The following HIRA variants were observed in gnomAD, a reference collection of about 807,000 sequenced individuals.
The protein encoded by HIRA is protein HIRA.
In HIRA, 13 loss-of-function variants were observed where a neutral mutation model predicts 126.6. The ratio of observed to expected loss-of-function variants is 0.10; its 90% confidence interval spans 0.07 to 0.16. The LOEUF is 0.16. HIRA is among the 10% of genes least tolerant of loss of function. The pLI, the probability that HIRA is intolerant of heterozygous loss-of-function variation, is 1.00. For synonymous variants in HIRA, 511 were observed against 520.0 expected (o/e 0.98, Z 0.24); for missense variants, 834 against 1,314.4 (o/e 0.63, Z 5.65).
At chr22:19,414,491 T>C (rs1435583092) in intron 1 of HIRA, among the ~76,000 whole-genome samples, 1 of 152,200 alleles carries the variant, frequency 6.6e-6, no homozygotes, top group Admixed American at 6.5e-5. Context: ...AAAAAGTCTC[T>C]GGGCTTTTAT....
At chr22:19,408,742 AT>A in intron 2 of HIRA, 149 bp from the exon 3 acceptor site, 1 of 571,186 alleles carries the variant, frequency 1.8e-6, no homozygotes, top group Non-Finnish European at 3.1e-6. Context: ...TAAATTACTA[AT>A]TTAAGTTACA....
At chr22:19,423,525 A>AC (rs2089466035) in intron 1 of HIRA, among the ~76,000 whole-genome samples, 1 of 33,448 alleles carries the variant, frequency 3.0e-5, no homozygotes, top group African/African-American at 1.4e-4. Flanking sequence ...ACACACACAC[A>AC]TATTTTCAGC....
intron 24 of HIRA, among the ~76,000 whole-genome samples, chr22:19,332,659 G>A (rs536973714): frequency 6.6e-6 from 1 of 150,904 alleles, no homozygotes; most frequent in Non-Finnish European, 1.5e-5. Flanking sequence ...CTCCAAAAGT[G>A]GTAAGATTCA....
rs766321329 is a variant in HIRA at position 19,385,703 on chromosome 22, G to A, written c.1147C>T (p.Leu383=). Residue 383 remains leucine, a synonymous_variant, in exon 12 of 25, where the codon CTA becomes TTA. Transcript: ENST00000263208. ...RIHQSTYGKS[L]AIMTEAQLST... ...AGCTGGGCCTCGGTCATGATGGCTA[G>A]GCTCTTGCCATAGGTGGACTGGTGA... The A allele has an allele frequency of 1.9e-6, 3 of 1,614,032 alleles. No homozygotes were observed. Among genetic ancestry groups the A allele is most frequent in the Non-Finnish European group, 2.5e-6 (3 of 1,179,958 alleles).
At chr22:19,335,814 T>C (rs1236465644) in intron 24 of HIRA, among the ~76,000 whole-genome samples, 3 of 152,196 alleles carry the variant, frequency 2.0e-5, no homozygotes, top group Non-Finnish European at 4.4e-5. Flanking sequence ...TAACTATTCT[T>C]GGCTTTTTAC....
chr22:19,388,299 C>T (rs957739145), intron 10 of HIRA, among the ~76,000 whole-genome samples, 185 bp downstream of exon 10: 3 of 152,198 alleles, frequency 2.0e-5, no homozygotes, highest in Non-Finnish European at 2.9e-5. Flanking sequence ...AGGACATTCT[C>T]GCAGCAGCAG....
rs373483331 is a variant in HIRA at position 19,356,839 on chromosome 22, G to A, written c.2396+51C>T. ...CCTGCAGTGAGGTGGGGCCTACACA[G>A]CCCTGTCCTGCCCTGGCTGAAGCCC... On this transcript the variant is annotated intron_variant, in intron 19 of 24. Coordinates refer to ENST00000263208, the MANE Select transcript of HIRA (RefSeq NM_003325.4). The A allele has an allele frequency of 1.9e-6, 3 of 1,581,396 alleles. No homozygotes were observed. The African/African-American group carries it at 4.0e-5, about 21-fold the overall frequency.
At chr22:19,387,638 G>GATC in intron 11 of HIRA, 73 bp downstream of exon 11, 2 of 1,073,588 alleles carry the variant, frequency 1.9e-6, no homozygotes, top group Admixed American at 1.9e-5. Context: ...AGAGGGTGTA[G>GATC]TCAAAGGGGT....
At chr22:19,377,786 CAG>C (rs2089032872) in intron 14 of HIRA, 81 bp downstream of exon 14, 1 of 1,263,296 alleles carries the variant, frequency 7.9e-7, no homozygotes, top group African/African-American at 1.5e-5. Context: ...AAAGTGCAAA[CAG>C]AATAAAATTC....
intron 24 of HIRA, among the ~76,000 whole-genome samples, chr22:19,340,763 A>C (rs1556007323): frequency 6.6e-6 from 1 of 152,184 alleles, no homozygotes; most frequent in African/African-American, 2.4e-5. Flanking sequence ...TCTTGTTACA[A>C]TAGCTGCAAA....
chr22:19,397,197 G>A (rs1401506592), intron 6 of HIRA, among the ~76,000 whole-genome samples: 1 of 152,142 alleles, frequency 6.6e-6, no homozygotes, highest in South Asian at 2.1e-4. Flanking sequence ...TGTATCTAGC[G>A]GCCCTGCCTA....
intron 21 of HIRA, among the ~76,000 whole-genome samples, chr22:19,354,551 T>C (rs569507428): frequency 3.9e-4 from 59 of 152,368 alleles, no homozygotes; most frequent in Non-Finnish European, 7.5e-4. Context: ...TATCCCAGAC[T>C]GGCAGTCCTT....
intron 1 of HIRA, among the ~76,000 whole-genome samples, chr22:19,429,783 G>C (rs908050394): frequency 5.3e-5 from 8 of 152,228 alleles, no homozygotes; most frequent in African/African-American, 1.7e-4. Flanking sequence ...GACAGTAGAA[G>C]AGAGGCTGGA....
At chr22:19,404,566 T>C (rs916884054) in intron 5 of HIRA, among the ~76,000 whole-genome samples, 1 of 152,032 alleles carries the variant, frequency 6.6e-6, no homozygotes, top group Non-Finnish European at 1.5e-5. Context: ...GATGGGTTTG[T>C]TCTCCTTTTA....
chr22:19,342,524 C>A (rs2088642079), intron 24 of HIRA, among the ~76,000 whole-genome samples: 1 of 152,064 alleles, frequency 6.6e-6, no homozygotes, highest in Non-Finnish European at 1.5e-5. Flanking sequence ...GTAGCTGGGA[C>A]TATAGGCATG....
Position 19,351,511 on chromosome 22 carries a change from A to C in HIRA, c.2849-65T>G. On this transcript the variant is annotated intron_variant, in intron 23 of 24. Transcript: ENST00000263208. The surrounding 1 kb of genome is among the most constrained non-coding windows in gnomAD (Gnocchi z 4.8). ...CAAAACAGAAATAGGAACACATTACAAAAAGAAATAAAATCAAGAATATGT... is the reference window on the plus strand; with the variant it reads ...CAAAACAGAAATAGGAACACATTACCAAAAGAAATAAAATCAAGAATATGT... The C allele has an allele frequency of 8.7e-7, 1 of 1,154,348 alleles. No homozygotes were observed. Among genetic ancestry groups the C allele is most frequent in the Non-Finnish European group, 1.3e-6 (1 of 777,560 alleles). The allele number at this position is 1,154,348 out of a possible 1,614,324, so 71.5% of individuals were successfully genotyped here.
chr22:19,423,508 CACACACACACACACACAT>C lies in HIRA; in HGVS notation c.37+7914_37+7931del, dbSNP rs1265229151. On this transcript the variant is annotated intron_variant, in intron 1 of 24. Transcript: ENST00000263208. Reference sequence around the variant, plus strand: ...ACACACACACACACACACACACACACACACACACACACACACATATTTTCAGCTCTTAAAACAGCAGTG... The same window carrying C: ...ACACACACACACACACACACACACACATTTTCAGCTCTTAAAACAGCAGTG... Among the ~76,000 whole-genome samples the C allele has an allele frequency of 1.7e-3, 214 of 128,946 alleles. 1 individual carries two copies. Among genetic ancestry groups the C allele is most frequent in the African/African-American group, 3.2e-3 (107 of 33,144 alleles). The allele number at this position is 128,946 out of a possible 152,430, so 84.6% of individuals were successfully genotyped here.
chr22:19,378,231 A>C (rs2089037540), intron 13 of HIRA, among the ~76,000 whole-genome samples, 165 bp from the exon 14 acceptor site: 1 of 152,252 alleles, frequency 6.6e-6, no homozygotes, highest in African/African-American at 2.4e-5. Context: ...CACTTAATAT[A>C]CTATATTTAA....
chr22:19,351,111 G>A lies in HIRA; in HGVS notation c.2937+247C>T. 1 of 985,196 alleles carries A rather than the reference G, an allele frequency of 1.0e-6. No homozygotes were observed. Among genetic ancestry groups the A allele is most frequent in the South Asian group, 4.7e-5 (1 of 21,282 alleles). The allele number at this position is 985,196 out of a possible 1,614,324, so 61.0% of individuals were successfully genotyped here. On this transcript the variant is annotated intron_variant, in intron 24 of 24. Coordinates refer to ENST00000263208, the MANE Select transcript of HIRA (RefSeq NM_003325.4). This position sits in a 1 kb window ranked among gnomAD's most constrained non-coding sequence, Gnocchi z 4.8. ...CTTCACAACCAAGCCCAGAGCCCCT[G>A]CAGGCAGCCTCCCTCAGCACAGGCA...
Sources: gnomAD v4.1 joint callset for allele counts (sites outside exome capture counted in the v4.1 genomes callset) on GRCh38, gnomAD v4.1.1 for gene constraint, Gnocchi (gnomAD v3.1) non-coding constraint, MANE v1.5 for transcripts, NCBI Gene and HGNC (gene_info 2026-07-23, HGNC 2026-07-21) for gene names.